Variants in BCL7A observed in about 807,000 individuals in gnomAD.
BCL7A encodes B-cell CLL/lymphoma 7 protein family member A.
BCL7A carries 11 observed loss-of-function variants against 28.4 expected under a neutral mutation model. The observed-to-expected ratio is 0.39, with a 90% CI of 0.24 to 0.64. BCL7A has a LOEUF of 0.64. BCL7A is among the 30% of genes least tolerant of loss of function. BCL7A has a pLI of 0.50. For missense variants in BCL7A, 222 were observed against 274.8 expected (o/e 0.81, Z 1.36); for synonymous variants, 123 against 103.3 (o/e 1.19, Z -1.15).
At position 122,043,867 on chromosome 12, in the gene BCL7A, C is replaced by G; in HGVS notation, c.272-19C>G. ...AGCTGTGGGATTTCATCCTGTGGTT[C>G]TGTTCCCACCCCCTACAGACGATAA... On this transcript the variant is annotated intron_variant, in intron 3 of 5. Coordinates refer to ENST00000261822, the MANE Select transcript of BCL7A (RefSeq NM_001024808.3). 6.3e-7 allele frequency: 1 copy of G among 1,595,668 alleles called. No homozygotes were observed. Among genetic ancestry groups the G allele is most frequent in the Non-Finnish European group, 8.5e-7 (1 of 1,170,108 alleles).
intron 2 of BCL7A, among the ~76,000 whole-genome samples, chr12:122,032,774 C>T (rs1427424557): frequency 2.6e-5 from 4 of 152,158 alleles, no homozygotes; most frequent in African/African-American, 7.2e-5. Context: ...AGCACTGTGC[C>T]GGCTGTGCAG....
At chr12:122,034,129 G>A (rs1237975010) in intron 2 of BCL7A, among the ~76,000 whole-genome samples, 1 of 134,074 alleles carries the variant, frequency 7.5e-6, no homozygotes, top group Non-Finnish European at 1.6e-5. Flanking sequence ...TACAGAGCAT[G>A]CACACACACA....
At position 122,021,928 on chromosome 12, in the gene BCL7A, G is replaced by C; in HGVS notation, c.-164G>C. On this transcript the variant is annotated 5_prime_UTR_variant, in exon 1 of 6. Transcript: ENST00000261822. ...GCGGCCCCGGGCTTTGTGTGTGTGT[G>C]TATGTGTGTGTGTGTGTGTGTGTGT... 1.4e-5 allele frequency: 5 copies of C among 364,904 alleles called. No individual in the cohort carries two copies. The highest frequency in any genetic ancestry group is 3.0e-5 in the South Asian group (1 of 33,688). The allele number at this position is 364,904 out of a possible 1,614,324, so 22.6% of individuals were successfully genotyped here.
intron 5 of BCL7A, among the ~76,000 whole-genome samples, chr12:122,058,243 GC>G (rs374635328): frequency 5.1e-4 from 77 of 152,234 alleles, no homozygotes; most frequent in African/African-American, 1.8e-3. Context: ...GGTGGCTCAC[GC>G]CTGTAATCCT....
rs377759335 is a variant in BCL7A at position 122,044,773 on chromosome 12, C to T, written c.439+720C>T. ...CTCAGGAGTTGGAGGCTGCAGTGAGCCGTGATCACACAACTGAACTCCAGC... is the reference window on the plus strand; with the variant it reads ...CTCAGGAGTTGGAGGCTGCAGTGAGTCGTGATCACACAACTGAACTCCAGC... On this transcript the variant is annotated intron_variant, in intron 4 of 5. Coordinates refer to ENST00000261822, the MANE Select transcript of BCL7A (RefSeq NM_001024808.3). Among the ~76,000 whole-genome samples, 6 of 152,184 alleles carry T rather than the reference C, an allele frequency of 3.9e-5. No homozygotes were observed. The East Asian group carries it at 7.7e-4, about 20-fold the overall frequency.
Position 122,022,375 on chromosome 12 carries a change from G to T in BCL7A, c.92+192G>T, listed in dbSNP as rs1009123664. Among the ~76,000 whole-genome samples the T allele has an allele frequency of 2.4e-4, 35 of 143,948 alleles. 1 individual carries two copies. Among genetic ancestry groups the T allele is most frequent in the African/African-American group, 8.7e-4 (35 of 40,258 alleles). The allele number at this position is 143,948 out of a possible 152,430, so 94.4% of individuals were successfully genotyped here. On this transcript the variant is annotated intron_variant, in intron 1 of 5. Coordinates refer to ENST00000261822, the MANE Select transcript of BCL7A (RefSeq NM_001024808.3). ...GGGTCACCTGCGCCAGGCTGGGGCC[G>T]CGGCCGCTGCCCAGGTGCGCTCGCG...
intron 3 of BCL7A, among the ~76,000 whole-genome samples, chr12:122,042,686 C>T (rs748011348): frequency 1.7e-4 from 26 of 151,960 alleles, no homozygotes; most frequent in Non-Finnish European, 3.5e-4. Flanking sequence ...TTCAGGGAGT[C>T]CTGACAGTGG....
chr12:122,032,694 T>C (rs1883769411), intron 2 of BCL7A, among the ~76,000 whole-genome samples: 1 of 152,204 alleles, frequency 6.6e-6, no homozygotes, highest in African/African-American at 2.4e-5. Context: ...TTTTGTGTAA[T>C]GGAGCAGTAA....
In BCL7A at chr12:122,021,991, C is replaced by A; in HGVS notation, c.-101C>A. ...GCGTGTGAGAGTGCGAGTGTCTGTG[C>A]GCGAGTGAGTGAGCGGCGGGCGGGC... On this transcript the variant is annotated 5_prime_UTR_variant, in exon 1 of 6. Coordinates refer to ENST00000261822, the MANE Select transcript of BCL7A (RefSeq NM_001024808.3). 2.2e-6 allele frequency: 2 copies of A among 891,768 alleles called. No homozygotes were observed. Among genetic ancestry groups the A allele is most frequent in the Non-Finnish European group, 3.4e-6 (2 of 582,246 alleles). The allele number at this position is 891,768 out of a possible 1,614,324, so 55.2% of individuals were successfully genotyped here.
At chr12:122,034,189 T>TCATA in intron 2 of BCL7A, among the ~76,000 whole-genome samples, 2 of 103,252 alleles carry the variant, frequency 1.9e-5, no homozygotes, top group African/African-American at 4.3e-5. Context: ...CCTGCATCTT[T>TCATA]CATATATATA....
intron 3 of BCL7A, among the ~76,000 whole-genome samples, chr12:122,041,146 G>A (rs143846431): frequency 6.6e-6 from 1 of 152,112 alleles, no homozygotes; most frequent in African/African-American, 2.4e-5. Context: ...GTGCTTCCTC[G>A]GCAGGTTGAG....
At position 122,026,675 on chromosome 12, in the gene BCL7A, T is replaced by C. The variant is rs562150204; in HGVS notation, c.93-4025T>C. 7.9e-5 allele frequency among the ~76,000 whole-genome samples: 12 copies of C among 152,262 alleles called. No individual in the cohort carries two copies. In the South Asian group the frequency reaches 2.5e-3, roughly 32 times the overall value. On this transcript the variant is annotated intron_variant, in intron 1 of 5. Coordinates refer to ENST00000261822, the MANE Select transcript of BCL7A (RefSeq NM_001024808.3). ...ATGGCAGGTCAGGCAGACCTGGGCCTAGCTAGGGTGAGGCCAGCCATGGGC... is the reference window on the plus strand; with the variant it reads ...ATGGCAGGTCAGGCAGACCTGGGCCCAGCTAGGGTGAGGCCAGCCATGGGC...
At chr12:122,024,246 T>G (rs562185899) in intron 1 of BCL7A, among the ~76,000 whole-genome samples, 1 of 152,332 alleles carries the variant, frequency 6.6e-6, no homozygotes, top group Admixed American at 6.5e-5. Context: ...CAGCTTCCAG[T>G]TCACTTCGTT....
intron 2 of BCL7A, among the ~76,000 whole-genome samples, chr12:122,033,558 C>T (rs1173468872): frequency 2.0e-5 from 3 of 147,638 alleles, no homozygotes; most frequent in South Asian, 4.2e-4. Context: ...ATGATCCGCC[C>T]GCCTCGGCCT....
At chr12:122,050,456 G>A (rs868423044) in intron 4 of BCL7A, among the ~76,000 whole-genome samples, 23 of 152,196 alleles carry the variant, frequency 1.5e-4, no homozygotes, top group Admixed American at 1.0e-3. Flanking sequence ...CATAGCCTTC[G>A]CTGCGTACAG....
chr12:122,049,017 TAAAA>T (rs60471036), intron 4 of BCL7A, among the ~76,000 whole-genome samples: 6,777 of 90,212 alleles, frequency 0.075, 252 homozygotes, highest in Middle Eastern at 0.18. Context: ...GTGAAACGTG[TAAAA>T]AAAAAAAAAA....
At chr12:122,023,345 T>C (rs534748713) in intron 1 of BCL7A, among the ~76,000 whole-genome samples, 1 of 152,330 alleles carries the variant, frequency 6.6e-6, no homozygotes, top group African/African-American at 2.4e-5. Flanking sequence ...GACCCTTTAT[T>C]TCGAGCCTGG....
chr12:122,024,137 T>C (rs547772655), intron 1 of BCL7A, among the ~76,000 whole-genome samples: 2 of 152,254 alleles, frequency 1.3e-5, no homozygotes, highest in South Asian at 2.1e-4. Flanking sequence ...ACCAGGCCTG[T>C]AGTTGGAGCT....
At chr12:122,046,854 G>A (rs933161690) in intron 4 of BCL7A, among the ~76,000 whole-genome samples, 1 of 150,776 alleles carries the variant, frequency 6.6e-6, no homozygotes, top group Admixed American at 6.6e-5. Context: ...CATGGCCACT[G>A]TTGTTTTTCT....
Sources: allele counts gnomAD v4.1 joint callset (sites outside exome capture counted in the v4.1 genomes callset), GRCh38; gene constraint gnomAD v4.1.1; transcripts MANE v1.5; gene names NCBI Gene and HGNC (gene_info 2026-07-23, HGNC 2026-07-21).